Variants in JPH4 observed in about 807,000 individuals in gnomAD.
JPH4 encodes junctophilin 4.
JPH4 carries 18 observed loss-of-function variants against 57.6 expected under a neutral mutation model. That is an observed-to-expected ratio of 0.31 (90% CI 0.22 to 0.46). The LOEUF (loss-of-function observed/expected upper bound fraction) is 0.46, where lower values mean the gene tolerates loss of function less well. Among genes scored for constraint, JPH4 ranks in the 20% least tolerant of loss-of-function variants. The pLI, the probability that JPH4 is intolerant of heterozygous loss-of-function variation, is 1.00. For synonymous variants in JPH4, 425 were observed against 406.6 expected (o/e 1.05, Z -0.54); for missense variants, 727 against 911.1 (o/e 0.80, Z 2.60).
chr14:23,571,589 C>T lies in JPH4; in HGVS notation c.1271-129G>A. ...AGGCTCATAGCCTCTCACCGCCAGA[C>T]CCCAAACCCCCCATTATCCTACTGC... On this transcript the variant is annotated intron_variant, in intron 4 of 5. Transcript: ENST00000356300. This position sits in a 1 kb window ranked among gnomAD's most constrained non-coding sequence, Gnocchi z 4.6. 3 of 1,177,536 alleles carry T rather than the reference C, an allele frequency of 2.5e-6. No homozygotes were observed. The highest frequency in any genetic ancestry group is 3.6e-6 in the Non-Finnish European group (3 of 833,720). 72.9% of individuals were successfully genotyped at this position (1,177,536 alleles called of 1,614,324 possible).
Position 23,577,295 on chromosome 14 carries a change from G to A in JPH4, c.159C>T (p.Phe53=), listed in dbSNP as rs1436684248. The change falls in exon 2 of 6, where the codon TTC becomes TTT. Residue 53 remains phenylalanine (F), a synonymous_variant. Coordinates refer to ENST00000356300, the MANE Select transcript of JPH4 (RefSeq NM_001146028.2). This position sits in a 1 kb window ranked among gnomAD's most constrained non-coding sequence, Gnocchi z 8.4. ...WAHGFESLGV[F]TGPGGHSYQG... is the part of the protein sequence containing the mutation. ...GGTAGCTGTGTCCGCCGGGCCCCGT[G>A]AAGACGCCCAGTGACTCGAAGCCGT... The A allele has an allele frequency of 1.3e-6, 2 of 1,537,472 alleles. No homozygotes were observed. Among genetic ancestry groups the A allele is most frequent in the Admixed American group, 3.9e-5 (2 of 50,914 alleles).
chr14:23,569,485 G>C lies in JPH4; in HGVS notation c.*149C>G, dbSNP rs1889018025. On this transcript the variant is annotated 3_prime_UTR_variant, in exon 6 of 6. Coordinates refer to ENST00000356300, the MANE Select transcript of JPH4 (RefSeq NM_001146028.2). This position sits in a 1 kb window ranked among gnomAD's most constrained non-coding sequence, Gnocchi z 4.8. ...AAGAAGACAGGGAAAGAAAAAGCGA[G>C]AGAAAAAAACAAAGGAGCACAGAAA... 1 of 668,870 alleles carries C rather than the reference G, an allele frequency of 1.5e-6. No individual in the cohort carries two copies. The highest frequency in any genetic ancestry group is 2.7e-6 in the Non-Finnish European group (1 of 371,716). The allele number at this position is 668,870 out of a possible 1,614,324, so 41.4% of individuals were successfully genotyped here. A position where few individuals can be genotyped will look rare whatever the true frequency, so the allele number is the denominator to read the frequency against.
intron 3 of JPH4, among the ~76,000 whole-genome samples, chr14:23,572,385 C>T (rs746782426): frequency 6.6e-6 from 1 of 151,874 alleles, no homozygotes; most frequent in South Asian, 2.1e-4. Context: ...CCTCTCACCC[C>T]CCTGGAGTCA....
chr14:23,570,849 G>A (rs913030860), intron 5 of JPH4, 79 bp downstream of exon 5: 30 of 1,340,580 alleles, frequency 2.2e-5, no homozygotes, highest in East Asian at 1.3e-4. Context: ...AAGCCCCCCC[G>A]GTGATCAGAC....
chr14:23,570,350 C>T (rs10149510), intron 5 of JPH4, among the ~76,000 whole-genome samples: 36,912 of 144,858 alleles, frequency 0.25, 7,899 homozygotes, highest in African/African-American at 0.59. Flanking sequence ...TATTAGTTTA[C>T]AACCCTGGGC....
chr14:23,576,710 G>C lies in JPH4; in HGVS notation c.380-254C>G, dbSNP rs1359059369. On this transcript the variant is annotated intron_variant, in intron 2 of 5. Transcript: ENST00000356300. This position sits in a 1 kb window ranked among gnomAD's most constrained non-coding sequence, Gnocchi z 8.0. ...GGCAGTGCGGGTAAACAGGGGAAAC[G>C]GGGAGGGCCCGGCAGGCATGCGAAG... 6.6e-6 allele frequency among the ~76,000 whole-genome samples: 1 copy of C among 152,136 alleles called. No individual in the cohort carries two copies. Among genetic ancestry groups the C allele is most frequent in the Non-Finnish European group, 1.5e-5 (1 of 68,018 alleles).
chr14:23,574,512 C>A (rs1889228100), intron 3 of JPH4, among the ~76,000 whole-genome samples: 1 of 152,156 alleles, frequency 6.6e-6, no homozygotes, highest in South Asian at 2.1e-4. Context: ...AGTTACAAAC[C>A]ATATGTGGCT....
chr14:23,571,925 CG>C lies in JPH4; in HGVS notation c.1152-6del. ...TTTAGGAGGGCGTCTGCTGCCCTGT[CG>C]GGTCCAGAGACAGGGATTTAGCAGA... On this transcript the variant is annotated splice_region_variant and splice_polypyrimidine_tract_variant and intron_variant, in intron 3 of 5. Transcript: ENST00000356300. The surrounding 1 kb of genome is among the most constrained non-coding windows in gnomAD (Gnocchi z 4.6). 4 of 1,610,420 alleles carry C rather than the reference CG, an allele frequency of 2.5e-6. No homozygotes were observed. The highest frequency in any genetic ancestry group is 1.7e-6 in the Non-Finnish European group (2 of 1,179,548).
In JPH4 at chr14:23,577,355, G is replaced by C. The variant is rs932010257; in HGVS notation, c.99C>G (p.Pro33=). Residue 33 remains proline (P), a synonymous_variant, in exon 2 of 6, where the codon CCC becomes CCG. Coordinates refer to ENST00000356300, the MANE Select transcript of JPH4 (RefSeq NM_001146028.2). This position sits in a 1 kb window ranked among gnomAD's most constrained non-coding sequence, Gnocchi z 8.4. The stretch of plus-strand genomic sequence containing the variant: ...AGCCGCTGTACTCGCCCTGGGCGCC[G>C]GGGCCCGTGCACACGCCGTAGCCAT... ...RAHGYGVCTG[P]GAQGEYSGCW... is the part of the protein sequence containing the mutation. 19 of 1,520,624 alleles carry C rather than the reference G, an allele frequency of 1.2e-5. No individual in the cohort carries two copies. The highest frequency in any genetic ancestry group is 1.7e-5 in the Non-Finnish European group (19 of 1,136,798). The allele number at this position is 1,520,624 out of a possible 1,614,324, so 94.2% of individuals were successfully genotyped here. A position where few individuals can be genotyped will look rare whatever the true frequency, so the allele number is the denominator to read the frequency against.
In JPH4 at chr14:23,576,233, C is replaced by T; in HGVS notation, c.603G>A (p.Gly201=). Reference sequence around the variant, plus strand: ...TTCGGGACGACGCGCCGTCGGCGTCCCCGGGCCCGGCCAGCACGAAGCCGC... The same window carrying T: ...TTCGGGACGACGCGCCGTCGGCGTCTCCGGGCCCGGCCAGCACGAAGCCGC... ...SRGGFVLAGP[G]DADGASSRKR... The change falls in exon 3 of 6, where the codon GGG becomes GGA. Residue 201 remains glycine, a synonymous_variant. Coordinates refer to ENST00000356300, the MANE Select transcript of JPH4 (RefSeq NM_001146028.2). This position sits in a 1 kb window ranked among gnomAD's most constrained non-coding sequence, Gnocchi z 8.0. 2 of 1,272,884 alleles carry T rather than the reference C, an allele frequency of 1.6e-6. No homozygotes were observed. The highest frequency in any genetic ancestry group is 6.4e-5 in the East Asian group (2 of 31,442). 78.8% of individuals were successfully genotyped at this position (1,272,884 alleles called of 1,614,324 possible).
chr14:23,576,405 C>A lies in JPH4; in HGVS notation c.431G>T (p.Arg144Leu). 7.0e-7 allele frequency: 1 copy of A among 1,427,656 alleles called. No individual in the cohort carries two copies. Among genetic ancestry groups the A allele is most frequent in the African/African-American group, 1.5e-5 (1 of 67,002 alleles). The allele number at this position is 1,427,656 out of a possible 1,614,324, so 88.4% of individuals were successfully genotyped here. ...QAGKRHGYGVRQSVPYHQAAL... is the reference protein window; with the variant it reads ...QAGKRHGYGVLQSVPYHQAAL... The stretch of plus-strand genomic sequence containing the variant: ...CGCCTGATGGTAGGGCACACTCTGG[C>A]GTACCCCGTAGCCGTGGCGCTTCCC... The change falls in exon 3 of 6, where the codon CGC (arginine) becomes CTC (leucine). Residue 144 changes from arginine to leucine, a missense_variant. This residue lies in a region of JPH4 where 90 missense variants were observed against 88.1 expected (regional missense o/e 1.02). Transcript: ENST00000356300. This position sits in a 1 kb window ranked among gnomAD's most constrained non-coding sequence, Gnocchi z 8.0.
Position 23,576,388 on chromosome 14 carries a change from G to T in JPH4, c.448C>A (p.His150Asn). ...GYGVRQSVPY[H>N]QAALLRSPRR... ...GGCGAGCGCAGCAGCGCCGCCTGAT[G>T]GTAGGGCACACTCTGGCGTACCCCG... The change falls in exon 3 of 6, where the codon CAT becomes AAT. Residue 150 changes from histidine to asparagine, a missense_variant. Around this residue, in one of 7 missense-constraint regions of JPH4, gnomAD observed 90 missense variants for 88.1 expected, o/e 1.02. Transcript: ENST00000356300. The surrounding 1 kb of genome is among the most constrained non-coding windows in gnomAD (Gnocchi z 8.0). 1 of 1,389,852 alleles carries T rather than the reference G, an allele frequency of 7.2e-7. No homozygotes were observed. The highest frequency in any genetic ancestry group is 9.3e-7 in the Non-Finnish European group (1 of 1,077,304). 86.1% of individuals were successfully genotyped at this position (1,389,852 alleles called of 1,614,324 possible). A position where few individuals can be genotyped will look rare whatever the true frequency, so the allele number is the denominator to read the frequency against.
chr14:23,578,635 AGAG>A lies in JPH4; in HGVS notation c.-630_-628del, dbSNP rs1248234005. On this transcript the variant is annotated 5_prime_UTR_variant, in exon 1 of 6. Coordinates refer to ENST00000356300, the MANE Select transcript of JPH4 (RefSeq NM_001146028.2). ...AGGCAGATTTAAAGGGGCAGGGAGA[AGAG>A]AAGAGAGAAGAGGGTGGGTAGAGAA... 6.6e-6 allele frequency: 1 copy of A among 151,512 alleles called. No homozygotes were observed. Among genetic ancestry groups the A allele is most frequent in the Admixed American group, 6.6e-5 (1 of 15,168 alleles). 9.4% of individuals were successfully genotyped at this position (151,512 alleles called of 1,614,324 possible).
At position 23,575,940 on chromosome 14, in the gene JPH4, C is replaced by G. The variant is rs756026342; in HGVS notation, c.896G>C (p.Arg299Pro). Residue 299 changes from arginine to proline, a missense_variant, in exon 3 of 6, where the codon CGC becomes CCC. Physicochemically the swap from Arg to Pro is moderately radical, Grantham distance 103. Around this residue, in one of 7 missense-constraint regions of JPH4, gnomAD observed 112 missense variants for 199.4 expected, o/e 0.56. Transcript: ENST00000356300. The surrounding 1 kb of genome is among the most constrained non-coding windows in gnomAD (Gnocchi z 6.9). ...GCCCTCGTAGCGCAGCCCGTTGGAG[C>G]GCTGGCTGACGCCGAAGCCGCTGCG... ...DRRSGFGVSQ[R>P]SNGLRYEGEW... 5.8e-6 allele frequency: 9 copies of G among 1,547,572 alleles called. No homozygotes were observed. The highest frequency in any genetic ancestry group is 2.6e-6 in the Non-Finnish European group (3 of 1,155,592).
intron 3 of JPH4, among the ~76,000 whole-genome samples, chr14:23,572,308 C>G (rs910213569): frequency 2.0e-5 from 3 of 151,996 alleles, no homozygotes; most frequent in Admixed American, 6.6e-5. Flanking sequence ...CCCCTGCAGT[C>G]CTGCTTGGTG....
In JPH4 at chr14:23,571,607, C is replaced by T. The variant is rs193145837; in HGVS notation, c.1271-147G>A. 245 of 1,112,978 alleles carry T rather than the reference C, an allele frequency of 2.2e-4. 2 individuals are homozygous for T. The Admixed American group carries it at 5.0e-3, about 23-fold the overall frequency. The allele number at this position is 1,112,978 out of a possible 1,614,324, so 68.9% of individuals were successfully genotyped here. A position where few individuals can be genotyped will look rare whatever the true frequency, so the allele number is the denominator to read the frequency against. ...CGCCAGACCCCAAACCCCCCATTAT[C>T]CTACTGCATACATTCCCAAGTCCCA... is the stretch of plus-strand genomic sequence containing the variant. On this transcript the variant is annotated intron_variant, in intron 4 of 5. Coordinates refer to ENST00000356300, the MANE Select transcript of JPH4 (RefSeq NM_001146028.2). The surrounding 1 kb of genome is among the most constrained non-coding windows in gnomAD (Gnocchi z 4.6).
rs1724762903 is a variant in JPH4, at chr14:23,575,462, C to T, written c.1151+223G>A. The stretch of plus-strand genomic sequence containing the variant: ...CCGAGACACATTTACAGTCTTACAC[C>T]ATCTCCCTCAAATACCCAGCTATCC... On this transcript the variant is annotated intron_variant, in intron 3 of 5. Coordinates refer to ENST00000356300, the MANE Select transcript of JPH4 (RefSeq NM_001146028.2). This position sits in a 1 kb window ranked among gnomAD's most constrained non-coding sequence, Gnocchi z 6.9. 2 of 604,744 alleles carry T rather than the reference C, an allele frequency of 3.3e-6. No individual in the cohort carries two copies. Among genetic ancestry groups the T allele is most frequent in the South Asian group, 4.0e-5 (2 of 50,142 alleles). 37.5% of individuals were successfully genotyped at this position (604,744 alleles called of 1,614,324 possible).
In JPH4 at chr14:23,571,852, C is replaced by T. The variant is rs201428906; in HGVS notation, c.1220G>A (p.Arg407Gln). Reference sequence around the variant, plus strand: ...GTCCTGGGCTATCAGTTTGGCCATTCGAGCTGCCTCCACGGCCTTCTCAGC... The same window carrying T: ...GTCCTGGGCTATCAGTTTGGCCATTTGAGCTGCCTCCACGGCCTTCTCAGC... ...SVAEKAVEAARMAKLIAQDLQ... is the reference protein window; with the variant it reads ...SVAEKAVEAAQMAKLIAQDLQ... Residue 407 changes from arginine to glutamine, a missense_variant, in exon 4 of 6, where the codon CGA becomes CAA. Arg to Gln is a conservative substitution (Grantham distance 43). Coordinates refer to ENST00000356300, the MANE Select transcript of JPH4 (RefSeq NM_001146028.2). The surrounding 1 kb of genome is among the most constrained non-coding windows in gnomAD (Gnocchi z 4.6). The T allele has an allele frequency of 1.5e-4, 239 of 1,613,066 alleles. No homozygotes were observed. Among genetic ancestry groups the T allele is most frequent in the Non-Finnish European group, 1.9e-4 (227 of 1,179,908 alleles).
chr14:23,572,967 A>C, intron 3 of JPH4: 1 of 702,410 alleles, frequency 1.4e-6, no homozygotes, highest in South Asian at 1.5e-5. Flanking sequence ...TTAATCGTAG[A>C]TGCCTTGTCA....
Sources: gnomAD v4.1 joint callset for allele counts (sites outside exome capture counted in the v4.1 genomes callset) on GRCh38, gnomAD v4.1.1 for gene constraint, gnomAD v4.1.1 regional missense constraint, Gnocchi (gnomAD v3.1) non-coding constraint, MANE v1.5 for transcripts, NCBI Gene and HGNC (gene_info 2026-07-23, HGNC 2026-07-21) for gene names.